Variants in PRKN observed in about 807,000 individuals in gnomAD.
PRKN encodes the protein E3 ubiquitin-protein ligase parkin.
In PRKN, 56 loss-of-function variants were observed where a neutral mutation model predicts 59.5. The ratio of observed to expected loss-of-function variants is 0.94; its 90% CI spans 0.76 to 1.18. PRKN has a LOEUF of 1.18. Among genes scored for constraint, PRKN ranks in the 50% most tolerant of loss-of-function variants. PRKN has a pLI of 0.00. For synonymous variants in PRKN, 250 were observed against 222.1 expected (o/e 1.13, Z -1.12); for missense variants, 657 against 596.4 (o/e 1.10, Z -1.06).
At chr6:161,441,789 G>T (rs1196294876) in intron 9 of PRKN, among the ~76,000 whole-genome samples, 1 of 152,198 alleles carries the variant, frequency 6.6e-6, no homozygotes, top group African/African-American at 2.4e-5. Flanking sequence ...TCCCAGGAAG[G>T]GCCAAGGCTG....
intron 4 of PRKN, among the ~76,000 whole-genome samples, chr6:162,153,368 G>T (rs1341424197): frequency 6.6e-6 from 1 of 152,318 alleles, no homozygotes; most frequent in Middle Eastern, 3.4e-3. Context: ...TCATGTGTAG[G>T]CCCTGTGGCA....
At chr6:161,580,736 C>G (rs954245543) in intron 7 of PRKN, among the ~76,000 whole-genome samples, 1 of 151,906 alleles carries the variant, frequency 6.6e-6, no homozygotes, top group African/African-American at 2.4e-5. Flanking sequence ...CCTCGGCCCC[C>G]CAAAGTGCTG....
chr6:161,737,775 G>A (rs921353503), intron 7 of PRKN, among the ~76,000 whole-genome samples: 3 of 152,144 alleles, frequency 2.0e-5, no homozygotes, highest in African/African-American at 7.2e-5. Flanking sequence ...AAGCCAGGGC[G>A]AGATGGCACT....
At chr6:161,697,624 T>C (rs985532165) in intron 7 of PRKN, among the ~76,000 whole-genome samples, 1 of 152,182 alleles carries the variant, frequency 6.6e-6, no homozygotes, top group Non-Finnish European at 1.5e-5. Context: ...CAGGACTGAA[T>C]AGCAGAATTA....
At chr6:162,569,737 G>A (rs1475753843) in intron 1 of PRKN, 15 of 536,850 alleles carry the variant, frequency 2.8e-5, no homozygotes, top group South Asian at 1.6e-4. Context: ...GAACAGCTGC[G>A]ACAGCCCCTC....
intron 3 of PRKN, among the ~76,000 whole-genome samples, chr6:162,218,345 G>C (rs551993754): frequency 6.6e-6 from 1 of 152,262 alleles, no homozygotes; most frequent in East Asian, 1.9e-4. Flanking sequence ...ATGACATCAG[G>C]AGGCTGTCGT....
intron 6 of PRKN, among the ~76,000 whole-genome samples, chr6:161,971,509 C>T (rs1780806090): frequency 6.6e-6 from 1 of 152,214 alleles, no homozygotes; most frequent in Non-Finnish European, 1.5e-5. Context: ...TTTCCCGAAA[C>T]ACCAGAATCC....
chr6:161,554,997 T>A lies in PRKN; in HGVS notation c.934-5994A>T, dbSNP rs1462514861. Among the ~76,000 whole-genome samples the A allele has an allele frequency of 1.3e-5, 2 of 152,134 alleles. No homozygotes were observed. Among genetic ancestry groups the A allele is most frequent in the Non-Finnish European group, 2.9e-5 (2 of 68,020 alleles). On this transcript the variant is annotated intron_variant, in intron 8 of 11. Coordinates refer to ENST00000366898, the MANE Select transcript of PRKN (RefSeq NM_004562.3). This position sits in a 1 kb window ranked among gnomAD's most constrained non-coding sequence, Gnocchi z 4.5. Reference sequence around the variant, plus strand: ...GATCAATTTTCACAAGCATACTGTGTCAGGAAAGTTGTACTGAATTTAGTT... The same window carrying A: ...GATCAATTTTCACAAGCATACTGTGACAGGAAAGTTGTACTGAATTTAGTT...
chr6:161,398,856 A>G (rs1239745007), intron 9 of PRKN, among the ~76,000 whole-genome samples: 1 of 152,128 alleles, frequency 6.6e-6, no homozygotes, highest in African/African-American at 2.4e-5. Context: ...GAGGTTACAG[A>G]CAGGAGACAG....
In PRKN at chr6:161,348,076, A is replaced by G. The variant is rs752358219; in HGVS notation, c.*2023T>C. On this transcript the variant is annotated 3_prime_UTR_variant, in exon 12 of 12. Transcript: ENST00000366898. This position sits in a 1 kb window ranked among gnomAD's most constrained non-coding sequence, Gnocchi z 4.9. Reference sequence around the variant, plus strand: ...AACCTTGTTCAGGCACCGCAAGCCCAACGCAGCATGCAGATTGGGAAGGCG... The same window carrying G: ...AACCTTGTTCAGGCACCGCAAGCCCGACGCAGCATGCAGATTGGGAAGGCG... 2.5e-4 allele frequency: 47 copies of G among 187,136 alleles called. No individual in the cohort carries two copies. Among genetic ancestry groups the G allele is most frequent in the Non-Finnish European group, 5.0e-4 (44 of 88,750 alleles). 11.6% of individuals were successfully genotyped at this position (187,136 alleles called of 1,614,324 possible). A position where few individuals can be genotyped will look rare whatever the true frequency, so the allele number is the denominator to read the frequency against.
rs1218915916 is a variant in PRKN at position 161,785,917 on chromosome 6, A to G, written c.735-9T>C. Reference sequence around the variant, plus strand: ...AAACCAGGACGGGGCTCCTGCAGAGAGAAAGGAAGATGTTTCCTCTAGTAC... The same window carrying G: ...AAACCAGGACGGGGCTCCTGCAGAGGGAAAGGAAGATGTTTCCTCTAGTAC... On this transcript the variant is annotated splice_polypyrimidine_tract_variant and intron_variant, in intron 6 of 11. Transcript: ENST00000366898. 2 of 1,613,824 alleles carry G rather than the reference A, an allele frequency of 1.2e-6. No homozygotes were observed. The highest frequency in any genetic ancestry group is 3.3e-5 in the Admixed American group (2 of 59,974).
intron 1 of PRKN, among the ~76,000 whole-genome samples, chr6:162,448,878 T>C (rs1229864128): frequency 2.8e-5 from 4 of 143,400 alleles, no homozygotes; most frequent in African/African-American, 1.1e-4. Context: ...TCTTTTCCTC[T>C]CTCTCTCTCT....
At chr6:161,568,244 C>T (rs539538332) in intron 8 of PRKN, among the ~76,000 whole-genome samples, 1 of 152,348 alleles carries the variant, frequency 6.6e-6, no homozygotes, top group African/African-American at 2.4e-5. Flanking sequence ...GCTGCCACAT[C>T]TCCATTTGCA....
chr6:162,499,584 G>C (rs1793268276), intron 1 of PRKN, among the ~76,000 whole-genome samples: 1 of 152,150 alleles, frequency 6.6e-6, no homozygotes, highest in Admixed American at 6.5e-5. Context: ...CAATTAACTG[G>C]AATTCAGGAG....
chr6:161,596,509 C>CT (rs1234691585), intron 7 of PRKN, among the ~76,000 whole-genome samples: 1 of 151,898 alleles, frequency 6.6e-6, no homozygotes, highest in Non-Finnish European at 1.5e-5. Context: ...TATTTTTTCC[C>CT]TTTATTCCTC....
rs201011729 is a variant in PRKN, at chr6:162,505,773, T to C, written c.8-62300A>G. On this transcript the variant is annotated intron_variant, in intron 1 of 11. Coordinates refer to ENST00000366898, the MANE Select transcript of PRKN (RefSeq NM_004562.3). ...ATGTGATTTACTTGACAAAATGATATGAAGCAGATCTGGAAAACTGTGAGT... is the reference window on the plus strand; with the variant it reads ...ATGTGATTTACTTGACAAAATGATACGAAGCAGATCTGGAAAACTGTGAGT... 1.0e-4 allele frequency among the ~76,000 whole-genome samples: 15 copies of C among 146,314 alleles called. No individual in the cohort carries two copies. The East Asian group carries it at 2.3e-3, about 23-fold the overall frequency.
intron 5 of PRKN, among the ~76,000 whole-genome samples, chr6:162,040,799 T>C (rs1784040452): frequency 1.3e-5 from 2 of 151,860 alleles, no homozygotes; most frequent in Admixed American, 6.6e-5. Flanking sequence ...CTTGGTAACA[T>C]TGAGGGAGGT....
chr6:162,611,890 T>A (rs1297694909), intron 1 of PRKN, among the ~76,000 whole-genome samples: 1 of 151,966 alleles, frequency 6.6e-6, no homozygotes, highest in Non-Finnish European at 1.5e-5. Flanking sequence ...GGAGTGTATA[T>A]AAAGAAATGA....
rs1291231196 is a variant in PRKN, at chr6:161,456,268, G to T, written c.1084-69391C>A. ...CAGCTAAGATAAAAGCAGGCAGAAGGGTGTGGAAGGCCTAGACTGGCTGAG... is the reference window on the plus strand; with the variant it reads ...CAGCTAAGATAAAAGCAGGCAGAAGTGTGTGGAAGGCCTAGACTGGCTGAG... On this transcript the variant is annotated intron_variant, in intron 9 of 11. Transcript: ENST00000366898. This position sits in a 1 kb window ranked among gnomAD's most constrained non-coding sequence, Gnocchi z 4.8. Among the ~76,000 whole-genome samples, 2 of 152,160 alleles carry T rather than the reference G, an allele frequency of 1.3e-5. No individual in the cohort carries two copies. The highest frequency in any genetic ancestry group is 6.5e-5 in the Admixed American group (1 of 15,272).
Sources: allele counts gnomAD v4.1 joint callset (sites outside exome capture counted in the v4.1 genomes callset), GRCh38; gene constraint gnomAD v4.1.1; non-coding constraint Gnocchi (gnomAD v3.1); transcripts MANE v1.5; gene names NCBI Gene and HGNC (gene_info 2026-07-23, HGNC 2026-07-21).